TIMELESS: variants seen among roughly 807,000 people sequenced by gnomAD.
TIMELESS encodes protein timeless homolog.
In TIMELESS, 124 loss-of-function variants were observed where a neutral mutation model predicts 164.3. The observed-to-expected ratio is 0.75, with a 90% CI of 0.65 to 0.88. TIMELESS has a LOEUF of 0.88. TIMELESS is among the 40% of genes least tolerant of loss of function. TIMELESS has a pLI of 0.00. For synonymous variants in TIMELESS, 564 were observed against 563.4 expected (o/e 1.00, Z -0.02); for missense variants, 1,422 against 1,491.4 (o/e 0.95, Z 0.77).
intron 13 of TIMELESS, 151 bp from the exon 14 acceptor site, chr12:56,425,303 A>G: frequency 9.9e-7 from 1 of 1,012,998 alleles, no homozygotes; most frequent in Non-Finnish European, 1.4e-6. Flanking sequence ...AGTGAACAGC[A>G]TATTTCCTTC....
rs762889735 is a variant in TIMELESS at position 56,432,462 on chromosome 12, C to G, written c.594G>C (p.Leu198=). 6.2e-7 allele frequency: 1 copy of G among 1,614,208 alleles called. No homozygotes were observed. Among genetic ancestry groups the G allele is most frequent in the Non-Finnish European group, 8.5e-7 (1 of 1,180,038 alleles). ...TGGCCAGAAAGAGGAGCAGGTCATC[C>G]AGGCCGCTGAGGTGAATCGCCCAGA... is the stretch of plus-strand genomic sequence containing the variant. ...QLLWAIHLSG[L]DDLLLFLASS... The change falls in exon 7 of 29, where the codon CTG becomes CTC. Residue 198 remains leucine, a synonymous_variant. Coordinates refer to ENST00000553532, the MANE Select transcript of TIMELESS (RefSeq NM_003920.5).
At chr12:56,436,599 C>T (rs914864184) in intron 1 of TIMELESS, among the ~76,000 whole-genome samples, 5 of 152,192 alleles carry the variant, frequency 3.3e-5, no homozygotes, top group African/African-American at 9.7e-5. Flanking sequence ...CAAGCCATAA[C>T]ATACTGGGTC....
intron 13 of TIMELESS, 57 bp downstream of exon 13, chr12:56,428,179 C>G: frequency 6.8e-7 from 1 of 1,470,134 alleles, no homozygotes; most frequent in Non-Finnish European, 9.2e-7. Flanking sequence ...GAAGAAAGAG[C>G]CCCCCTTCCT....
At chr12:56,421,610 A>C in intron 22 of TIMELESS, 117 bp from the exon 23 acceptor site, 1 of 1,498,238 alleles carries the variant, frequency 6.7e-7, no homozygotes, top group Non-Finnish European at 9.2e-7. Context: ...ACTTACAAAT[A>C]TAGTAAGTGA....
chr12:56,432,944 A>T, intron 6 of TIMELESS, 82 bp downstream of exon 6: 1 of 932,494 alleles, frequency 1.1e-6, no homozygotes, highest in Non-Finnish European at 1.5e-6. Context: ...ACAGAGAGAG[A>T]CTCCGTCTCA....
At chr12:56,441,713 A>G (rs897344584) in intron 1 of TIMELESS, among the ~76,000 whole-genome samples, 1 of 150,384 alleles carries the variant, frequency 6.6e-6, no homozygotes, top group African/African-American at 2.5e-5. Context: ...ATAGTCAGTT[A>G]CTAAATGCTT....
At position 56,448,177 on chromosome 12, in the gene TIMELESS, G is replaced by A. The variant is rs74823498; in HGVS notation, c.-62+1133C>T. On this transcript the variant is annotated intron_variant, in intron 1 of 28. Coordinates refer to ENST00000553532, the MANE Select transcript of TIMELESS (RefSeq NM_003920.5). ...TCCCAGCACTGTGGGAGGCCGACGC[G>A]GGCGGATCATTTGAGGTCAGGAGTT... is the stretch of plus-strand genomic sequence containing the variant. Among the ~76,000 whole-genome samples the A allele has an allele frequency of 7.8e-3, 1,194 of 152,156 alleles. 69 individuals carry two copies. In the East Asian group the frequency reaches 0.16, roughly 20 times the overall value.
At chr12:56,429,347 C>T (rs534751584) in intron 10 of TIMELESS, among the ~76,000 whole-genome samples, 27 of 151,868 alleles carry the variant, frequency 1.8e-4, no homozygotes, top group South Asian at 8.3e-4. Context: ...TATAGGTGCC[C>T]GCCACCACGC....
chr12:56,429,355 C>T (rs994606257), intron 10 of TIMELESS, among the ~76,000 whole-genome samples: 7 of 151,876 alleles, frequency 4.6e-5, no homozygotes, highest in African/African-American at 9.7e-5. Context: ...CCCGCCACCA[C>T]GCCCAGTTAA....
intron 1 of TIMELESS, among the ~76,000 whole-genome samples, chr12:56,446,767 G>A (rs181986841): frequency 5.1e-4 from 75 of 147,136 alleles, no homozygotes; most frequent in African/African-American, 1.9e-3. Flanking sequence ...GGGAGACCAC[G>A]CCACTGCACT....
intron 1 of TIMELESS, among the ~76,000 whole-genome samples, chr12:56,445,072 G>C (rs1242990390): frequency 6.6e-6 from 1 of 151,814 alleles, no homozygotes; most frequent in Admixed American, 6.6e-5. Context: ...CTCCACTTTG[G>C]CTCTCTCAAG....
chr12:56,426,555 T>TTTTG (rs903524185), intron 13 of TIMELESS, among the ~76,000 whole-genome samples: 2 of 150,586 alleles, frequency 1.3e-5, no homozygotes, highest in East Asian at 2.0e-4. Context: ...CCAGGCTAAT[T>TTTTG]TTTGTTTGTT....
intron 1 of TIMELESS, among the ~76,000 whole-genome samples, chr12:56,436,036 T>C (rs1271588604): frequency 1.3e-5 from 2 of 151,824 alleles, no homozygotes; most frequent in Admixed American, 6.6e-5. Flanking sequence ...CTCAGCTATG[T>C]CCTTTAAAAT....
At chr12:56,444,046 C>T (rs917943111) in intron 1 of TIMELESS, among the ~76,000 whole-genome samples, 11 of 151,928 alleles carry the variant, frequency 7.2e-5, no homozygotes, top group Non-Finnish European at 1.0e-4. Flanking sequence ...TACAGGTGCC[C>T]GCCACCACGC....
intron 12 of TIMELESS, 27 bp from the exon 13 acceptor site, chr12:56,428,432 G>C (rs1592248560): frequency 6.2e-7 from 1 of 1,604,994 alleles, no homozygotes; most frequent in African/African-American, 1.3e-5. Flanking sequence ...GAAAGGGATG[G>C]AAGGGCTATT....
At chr12:56,426,870 T>C (rs1342190451) in intron 13 of TIMELESS, among the ~76,000 whole-genome samples, 1 of 152,130 alleles carries the variant, frequency 6.6e-6, no homozygotes, top group Non-Finnish European at 1.5e-5. Context: ...CAAAATCTGT[T>C]TATACAAAGC....
chr12:56,425,215 C>A (rs1881641241), intron 13 of TIMELESS, 63 bp from the exon 14 acceptor site: 2 of 1,515,742 alleles, frequency 1.3e-6, no homozygotes, highest in Non-Finnish European at 1.8e-6. Flanking sequence ...CCATCAGTGT[C>A]TTTTCTATTA....
rs569502386 is a variant in TIMELESS, at chr12:56,424,215, T to C, written c.1869-321A>G. ...ATGAGAAATCATGCTCATAATATAC[T>C]GAGAAGTGAAAAATTACTATAAATC... On this transcript the variant is annotated intron_variant, in intron 15 of 28. Transcript: ENST00000553532. 8.5e-5 allele frequency among the ~76,000 whole-genome samples: 13 copies of C among 152,318 alleles called. 2 individuals are homozygous for C. Among genetic ancestry groups the C allele is most frequent in the African/African-American group, 3.1e-4 (13 of 41,582 alleles).
chr12:56,430,260 A>T lies in TIMELESS; in HGVS notation c.931T>A (p.Leu311Met). The change falls in exon 10 of 29, where the codon TTG becomes ATG. Residue 311 changes from leucine to methionine, a missense_variant. Coordinates refer to ENST00000553532, the MANE Select transcript of TIMELESS (RefSeq NM_003920.5). ...LHNLRNYSSD[L>M]GKQPKKVPKR... ...GGCACCTTTTTCGGCTGCTTTCCCA[A>T]ATCTGAACTGTAGTTTCGTAGCTGG... 6.2e-7 allele frequency: 1 copy of T among 1,613,296 alleles called. No individual in the cohort carries two copies. The highest frequency in any genetic ancestry group is 8.5e-7 in the Non-Finnish European group (1 of 1,179,640).
Sources: allele counts gnomAD v4.1 joint callset (sites outside exome capture counted in the v4.1 genomes callset), GRCh38; gene constraint gnomAD v4.1.1; transcripts MANE v1.5; gene names NCBI Gene and HGNC (gene_info 2026-07-23, HGNC 2026-07-21).